Variants in SLC34A1 observed in about 807,000 individuals in gnomAD.
SLC34A1 encodes solute carrier family 34 member 1.
A neutral mutation model predicts 51.4 loss-of-function variants in SLC34A1; 57 were observed. That is an observed-to-expected ratio of 1.11 (90% CI 0.90 to 1.38). The LOEUF (loss-of-function observed/expected upper bound fraction) is 1.38. SLC34A1 is among the 40% of genes most tolerant of loss of function. The probability of loss-of-function intolerance (pLI) is 0.00; values close to 1 mark genes in which losing one functional copy is unlikely to be tolerated. For missense variants in SLC34A1, 796 were observed against 835.6 expected (o/e 0.95, Z 0.58); for synonymous variants, 368 against 358.0 (o/e 1.03, Z -0.32).
Position 177,398,252 on chromosome 5 carries a change from C to T in SLC34A1, c.1886C>T (p.Ala629Val). Residue 629 changes from alanine (A) to valine (V), a missense_variant, in exon 13 of 13, where the codon GCA (alanine) becomes GTA (valine). Transcript: ENST00000324417. The surrounding 1 kb of genome is among the most constrained non-coding windows in gnomAD (Gnocchi z 4.7). ...CCTGCCACACCCTCCCCCCGTCTTG[C>T]ACTGCCTGCTCACCACAATGCCACC... ...LPPATPSPRL[A>V]LPAHHNATRL is the part of the protein sequence containing the mutation. The T allele has an allele frequency of 6.3e-7, 1 of 1,599,708 alleles. No homozygotes were observed. Among genetic ancestry groups the T allele is most frequent in the Non-Finnish European group, 8.5e-7 (1 of 1,179,930 alleles).
At chr5:177,389,057 A>G (rs1039629216) in intron 8 of SLC34A1, among the ~76,000 whole-genome samples, 1 of 152,108 alleles carries the variant, frequency 6.6e-6, no homozygotes, top group Non-Finnish European at 1.5e-5. Flanking sequence ...CTTCTCCTGG[A>G]GACTGCCACA....
At position 177,386,069 on chromosome 5, in the gene SLC34A1, T is replaced by TG; in HGVS notation, c.196dup (p.Glu66GlyfsTer7). The TG allele has an allele frequency of 1.2e-6, 2 of 1,611,772 alleles. No homozygotes were observed. Among genetic ancestry groups the TG allele is most frequent in the Non-Finnish European group, 1.7e-6 (2 of 1,178,696 alleles). ...CCCTTGCTGAGCACACCTGCCCCTG[T>TG]GGGGAGGTCCTGGAGCGCCATGAAC... On this transcript the variant is annotated frameshift_variant, in exon 3 of 13. Transcript: ENST00000324417. LOFTEE classifies it high-confidence loss of function. The surrounding 1 kb of genome is among the most constrained non-coding windows in gnomAD (Gnocchi z 4.8).
rs772147136 is a variant in SLC34A1, at chr5:177,397,843, T to C, written c.1477T>C (p.Cys493Arg). Reference protein sequence around the residue: ...SGILLWYPVPCTRLPIRMAKA... With the variant: ...SGILLWYPVPRTRLPIRMAKA... ...TATCCTTCTGTGGTACCCGGTGCCC[T>C]GCACACGCCTGCCCATCCGCATGGC... The change falls in exon 13 of 13, where the codon TGC becomes CGC. Residue 493 changes from cysteine to arginine, a missense_variant. Transcript: ENST00000324417. 1.2e-6 allele frequency: 2 copies of C among 1,613,580 alleles called. No individual in the cohort carries two copies. Among genetic ancestry groups the C allele is most frequent in the South Asian group, 1.1e-5 (1 of 91,074 alleles).
chr5:177,385,383 A>G lies in SLC34A1; in HGVS notation c.-47-312A>G, dbSNP rs147940232. On this transcript the variant is annotated intron_variant, in intron 1 of 12. Coordinates refer to ENST00000324417, the MANE Select transcript of SLC34A1 (RefSeq NM_003052.5). The stretch of plus-strand genomic sequence containing the variant: ...GCTAGAGCTCAATAATACTCATTGA[A>G]TGAGTGAATGGTGAATGAATGATCA... 1.7e-3 allele frequency among the ~76,000 whole-genome samples: 261 copies of G among 152,206 alleles called. 1 individual carries two copies. The highest frequency in any genetic ancestry group is 2.8e-3 in the Non-Finnish European group (189 of 67,990).
Position 177,385,745 on chromosome 5 carries a change from T to A in SLC34A1, c.4T>A (p.Leu2Met), listed in dbSNP as rs912437697. The change falls in exon 2 of 13, where the codon TTG becomes ATG. Residue 2 changes from leucine (L) to methionine (M), a missense_variant. Transcript: ENST00000324417. M[L>M]SYGERLGSPA... ...GACCTCATAGTGGGTGCCCAGGATG[T>A]TGTCCTACGGAGAGAGGCTGGGGTC... 1.2e-6 allele frequency: 2 copies of A among 1,611,986 alleles called. No homozygotes were observed. Among genetic ancestry groups the A allele is most frequent in the Non-Finnish European group, 1.7e-6 (2 of 1,179,192 alleles).
In SLC34A1 at chr5:177,396,542, G is replaced by GCTCTCCCAGTGCCCCCGCGGAGATCCT. The variant is rs1762971341; in HGVS notation, c.1175-169_1175-168insATCCTCTCTCCCAGTGCCCCCGCGGAG. On this transcript the variant is annotated intron_variant, in intron 10 of 12. Coordinates refer to ENST00000324417, the MANE Select transcript of SLC34A1 (RefSeq NM_003052.5). The surrounding 1 kb of genome is among the most constrained non-coding windows in gnomAD (Gnocchi z 4.0). ...TCTCCCAGTGCCCCCGCGGAGGTCC[G>GCTCTCCCAGTGCCCCCGCGGAGATCCT]CTCTCCCAGTGCCCCCGCGGAGGTC... Among the ~76,000 whole-genome samples the GCTCTCCCAGTGCCCCCGCGGAGATCCT allele has an allele frequency of 9.9e-6, 1 of 100,866 alleles. No individual in the cohort carries two copies. The highest frequency in any genetic ancestry group is 9.4e-5 in the Admixed American group (1 of 10,592). 66.2% of individuals were successfully genotyped at this position (100,866 alleles called of 152,430 possible). A position where few individuals can be genotyped will look rare whatever the true frequency, so the allele number is the denominator to read the frequency against.
rs1328400481 is a variant in SLC34A1 at position 177,384,870 on chromosome 5, A to T, written c.-48+383A>T. On this transcript the variant is annotated intron_variant, in intron 1 of 12. Transcript: ENST00000324417. ...AGAGTGAAACTCCATCTCAAAAAAA[A>T]AAAAAAAAAGGACTCCTGCTCCTTC... 1.8e-3 allele frequency among the ~76,000 whole-genome samples: 272 copies of T among 152,038 alleles called. 6 individuals are homozygous for T. The highest frequency in any genetic ancestry group is 1.9e-3 in the Non-Finnish European group (131 of 67,954).
chr5:177,394,688 CTTTT>C (rs34736156), intron 10 of SLC34A1, among the ~76,000 whole-genome samples: 9,597 of 104,926 alleles, frequency 0.091, 404 homozygotes, highest in Middle Eastern at 0.16. Flanking sequence ...GAGACTTTGT[CTTTT>C]TTTTTTTTTT....
chr5:177,386,005 G>C lies in SLC34A1; in HGVS notation c.128G>C (p.Gly43Ala), dbSNP rs753253877. The change falls in exon 3 of 13, where the codon GGG (glycine) becomes GCG (alanine). Residue 43 changes from glycine (G) to alanine (A), a missense_variant. Transcript: ENST00000324417. The surrounding 1 kb of genome is among the most constrained non-coding windows in gnomAD (Gnocchi z 4.8). ...PSPQVLHRIPGTSAYAFPSLG... is the reference protein window; with the variant it reads ...PSPQVLHRIPATSAYAFPSLG... ...TCCCTAGTCCTACACAGGATCCCGG[G>C]GACCTCTGCCTATGCCTTCCCCAGC... The C allele has an allele frequency of 6.2e-7, 1 of 1,610,392 alleles. No homozygotes were observed. Among genetic ancestry groups the C allele is most frequent in the African/African-American group, 1.3e-5 (1 of 74,864 alleles).
At chr5:177,390,608 C>T (rs941296026) in intron 8 of SLC34A1, 3 of 156,300 alleles carry the variant, frequency 1.9e-5, no homozygotes, top group Non-Finnish European at 4.2e-5. Flanking sequence ...ACCAGGTGAC[C>T]ATAGCCACGT....
intron 8 of SLC34A1, among the ~76,000 whole-genome samples, chr5:177,391,802 G>T (rs1339147448): frequency 2.6e-5 from 4 of 152,196 alleles, no homozygotes; most frequent in African/African-American, 9.7e-5. Flanking sequence ...CATTCCCCCT[G>T]TAACCTTTAC....
chr5:177,386,698 T>C lies in SLC34A1; in HGVS notation c.532+132T>C, dbSNP rs1327509191. On this transcript the variant is annotated intron_variant, in intron 5 of 12. Transcript: ENST00000324417. This position sits in a 1 kb window ranked among gnomAD's most constrained non-coding sequence, Gnocchi z 4.8. Reference sequence around the variant, plus strand: ...TTGACTCCTGTATCAGCCAGGGACATGAGAGGAGCCCAACTGTAGCTGTAT... The same window carrying C: ...TTGACTCCTGTATCAGCCAGGGACACGAGAGGAGCCCAACTGTAGCTGTAT... 5 of 1,066,266 alleles carry C rather than the reference T, an allele frequency of 4.7e-6. No homozygotes were observed. The highest frequency in any genetic ancestry group is 5.7e-6 in the Non-Finnish European group (4 of 707,450). 66.1% of individuals were successfully genotyped at this position (1,066,266 alleles called of 1,614,324 possible). A position where few individuals can be genotyped will look rare whatever the true frequency, so the allele number is the denominator to read the frequency against.
Position 177,386,616 on chromosome 5 carries a change from G to A in SLC34A1, c.532+50G>A. The A allele has an allele frequency of 3.7e-6, 6 of 1,609,508 alleles. No individual in the cohort carries two copies. Among genetic ancestry groups the A allele is most frequent in the Non-Finnish European group, 5.1e-6 (6 of 1,178,820 alleles). ...AAGAGCTTGGAGGGGCACCCCAGGA[G>A]CTGGGAAGGGTGGCAAATGGGGAGC... On this transcript the variant is annotated intron_variant, in intron 5 of 12. Coordinates refer to ENST00000324417, the MANE Select transcript of SLC34A1 (RefSeq NM_003052.5). The surrounding 1 kb of genome is among the most constrained non-coding windows in gnomAD (Gnocchi z 4.8).
At chr5:177,389,671 T>C (rs1374287621) in intron 8 of SLC34A1, 5 of 1,537,130 alleles carry the variant, frequency 3.3e-6, no homozygotes, top group Admixed American at 3.9e-5. Flanking sequence ...TCACACACTT[T>C]GATCTTCGCA....
chr5:177,387,522 C>T lies in SLC34A1; in HGVS notation c.533-240C>T, dbSNP rs778436141. ...ATAACGAAGGCCTCACACGCACACA[C>T]GTTCACATCCATACACCATGTGCAG... On this transcript the variant is annotated intron_variant, in intron 5 of 12. Coordinates refer to ENST00000324417, the MANE Select transcript of SLC34A1 (RefSeq NM_003052.5). Among the ~76,000 whole-genome samples the T allele has an allele frequency of 6.6e-5, 10 of 152,260 alleles. No individual in the cohort carries two copies. The South Asian group carries it at 1.4e-3, about 22-fold the overall frequency.
chr5:177,390,105 G>A, intron 8 of SLC34A1: 1 of 1,095,882 alleles, frequency 9.1e-7, no homozygotes, highest in Non-Finnish European at 1.1e-6. Context: ...GGGCCACAGA[G>A]TCTCCCCGTG....
In SLC34A1 at chr5:177,388,915, T is replaced by C. The variant is rs1762700834; in HGVS notation, c.936+543T>C. On this transcript the variant is annotated intron_variant, in intron 8 of 12. Transcript: ENST00000324417. The surrounding 1 kb of genome is among the most constrained non-coding windows in gnomAD (Gnocchi z 4.3). ...AGGGGTTAGTGACTCAGCTGGGCCA[T>C]GTTTTGGGACCCAGGTAACGTGGGG... is the stretch of plus-strand genomic sequence containing the variant. Among the ~76,000 whole-genome samples, 1 of 152,126 alleles carries C rather than the reference T, an allele frequency of 6.6e-6. No individual in the cohort carries two copies. Among genetic ancestry groups the C allele is most frequent in the Non-Finnish European group, 1.5e-5 (1 of 68,020 alleles).
chr5:177,390,996 G>A (rs945113338), intron 8 of SLC34A1, among the ~76,000 whole-genome samples: 4 of 152,182 alleles, frequency 2.6e-5, no homozygotes, highest in African/African-American at 9.7e-5. Flanking sequence ...ACACACAGCT[G>A]GGAACGGCTC....
In SLC34A1 at chr5:177,389,502, C is replaced by A. The variant is rs1187347180; in HGVS notation, c.936+1130C>A. ...CTCAGCCTCTGAGTGTTCAAAGCAG[C>A]CTTACATAAAAAAAAACCCCTGCGG... On this transcript the variant is annotated intron_variant, in intron 8 of 12. Transcript: ENST00000324417. 2.8e-6 allele frequency: 3 copies of A among 1,057,142 alleles called. No individual in the cohort carries two copies. In the South Asian group the frequency reaches 4.7e-5, roughly 16 times the overall value. 65.5% of individuals were successfully genotyped at this position (1,057,142 alleles called of 1,614,324 possible).
Sources: allele counts gnomAD v4.1 joint callset (sites outside exome capture counted in the v4.1 genomes callset), GRCh38; gene constraint gnomAD v4.1.1; non-coding constraint Gnocchi (gnomAD v3.1); transcripts MANE v1.5; gene names NCBI Gene and HGNC (gene_info 2026-07-23, HGNC 2026-07-21).